The following RORA variants were observed in gnomAD, a reference collection of about 807,000 sequenced individuals.
RORA encodes the protein RAR related orphan receptor A.
In RORA, 7 loss-of-function variants were observed where a neutral mutation model predicts 69.5. The observed-to-expected ratio is 0.10, with a 90% CI of 0.06 to 0.19. RORA has a LOEUF of 0.19. Ranked by LOEUF, RORA falls within the 10% of genes least tolerant of loss-of-function variation. The pLI is 1.00. For missense variants in RORA, 457 were observed against 663.0 expected, an observed-to-expected ratio of 0.69 and a Z score of 3.41; for synonymous variants, 261 against 240.8, an observed-to-expected ratio of 1.08 and a Z score of -0.78.
At chr15:60,853,568 C>T (rs988235505) in intron 1 of RORA, among the ~76,000 whole-genome samples, 11 of 152,140 alleles carry the variant, frequency 7.2e-5, no homozygotes, top group African/African-American at 1.9e-4. Flanking sequence ...GAGAAAATAG[C>T]GATTAAAACA....
chr15:61,094,573 G>T (rs770932894), intron 1 of RORA, among the ~76,000 whole-genome samples: 2 of 152,154 alleles, frequency 1.3e-5, no homozygotes, highest in Non-Finnish European at 2.9e-5. Flanking sequence ...ATGTGGTAAG[G>T]TCCAAAAAAT....
chr15:60,595,173 A>G (rs2068639119), intron 2 of RORA, among the ~76,000 whole-genome samples: 1 of 152,128 alleles, frequency 6.6e-6, no homozygotes, highest in Non-Finnish European at 1.5e-5. Flanking sequence ...TGGAGCCATA[A>G]ATGATACATT....
intron 1 of RORA, among the ~76,000 whole-genome samples, chr15:61,012,844 T>G (rs538090031): frequency 2.3e-4 from 35 of 152,220 alleles, no homozygotes; most frequent in African/African-American, 7.5e-4. Context: ...GAGATGGAGT[T>G]TCACCATGTT....
At chr15:60,810,180 C>G (rs2072721746) in intron 1 of RORA, among the ~76,000 whole-genome samples, 1 of 152,140 alleles carries the variant, frequency 6.6e-6, no homozygotes, top group Admixed American at 6.6e-5. Context: ...GGAGACCACA[C>G]ATATCTAAAA....
intron 1 of RORA, among the ~76,000 whole-genome samples, chr15:60,882,635 C>T (rs1247170234): frequency 1.6e-5 from 1 of 63,362 alleles, no homozygotes; most frequent in Non-Finnish European, 3.4e-5. Flanking sequence ...TGGAGCTTAA[C>T]TACACACACA....
At chr15:60,704,441 A>G (rs1477347856) in intron 1 of RORA, among the ~76,000 whole-genome samples, 2 of 150,262 alleles carry the variant, frequency 1.3e-5, no homozygotes, top group Non-Finnish European at 2.9e-5. Flanking sequence ...GGTGGGGCCG[A>G]GGAAGCTGAG....
intron 1 of RORA, among the ~76,000 whole-genome samples, chr15:60,894,468 C>T (rs182857132): frequency 1.3e-5 from 2 of 152,244 alleles, no homozygotes; most frequent in African/African-American, 2.4e-5. Context: ...ATGAGGCTTC[C>T]GAAGTCACAA....
At chr15:61,188,760 C>A (rs756503532) in intron 1 of RORA, among the ~76,000 whole-genome samples, 1 of 152,230 alleles carries the variant, frequency 6.6e-6, no homozygotes, top group African/African-American at 2.4e-5. Flanking sequence ...TGGTCCTCTT[C>A]TTCCTTTGAT....
At chr15:60,918,071 G>C (rs1040965927) in intron 1 of RORA, among the ~76,000 whole-genome samples, 2 of 152,210 alleles carry the variant, frequency 1.3e-5, no homozygotes, top group African/African-American at 4.8e-5. Flanking sequence ...AACCCCAGGA[G>C]GTATGCATTG....
intron 1 of RORA, among the ~76,000 whole-genome samples, chr15:61,064,501 A>G (rs1358184427): frequency 6.6e-6 from 1 of 152,210 alleles, no homozygotes; most frequent in East Asian, 1.9e-4. Context: ...AAACTTTAGA[A>G]CCAAGAGAGT....
intron 1 of RORA, among the ~76,000 whole-genome samples, chr15:61,101,293 TC>T (rs1353148951): frequency 6.6e-6 from 1 of 152,056 alleles, no homozygotes; most frequent in East Asian, 1.9e-4. Context: ...TAAATGAATA[TC>T]CAGTTGGAAA....
intron 1 of RORA, among the ~76,000 whole-genome samples, chr15:60,920,790 A>G (rs1393771175): frequency 2.0e-5 from 3 of 152,236 alleles, no homozygotes; most frequent in Non-Finnish European, 4.4e-5. Context: ...CTGATAGTTT[A>G]AACAATTATG....
intron 1 of RORA, among the ~76,000 whole-genome samples, chr15:60,747,062 T>TGTTA (rs929016236): frequency 2.0e-5 from 3 of 152,304 alleles, no homozygotes; most frequent in African/African-American, 7.2e-5. Flanking sequence ...TAACCCCCAA[T>TGTTA]GTTAGAGACC....
At chr15:61,092,441 T>C (rs1156932428) in intron 1 of RORA, among the ~76,000 whole-genome samples, 1 of 152,256 alleles carries the variant, frequency 6.6e-6, no homozygotes, top group Non-Finnish European at 1.5e-5. Context: ...CCTAAGTGGC[T>C]GCTTTTCAGC....
chr15:60,532,341 C>T (rs568911365), intron 2 of RORA, among the ~76,000 whole-genome samples: 19 of 151,832 alleles, frequency 1.3e-4, no homozygotes, highest in African/African-American at 3.9e-4. Flanking sequence ...GATAAGAATT[C>T]CTTATCTTTT....
At chr15:61,228,024 T>G (rs569313643) in intron 1 of RORA, among the ~76,000 whole-genome samples, 5 of 133,052 alleles carry the variant, frequency 3.8e-5, no homozygotes, top group South Asian at 5.3e-4. Flanking sequence ...GTCCCCCCCA[T>G]CCCCCCCAAC....
At chr15:60,843,950 G>T (rs528059112) in intron 1 of RORA, among the ~76,000 whole-genome samples, 1 of 152,112 alleles carries the variant, frequency 6.6e-6, no homozygotes, top group South Asian at 2.1e-4. Context: ...TACCTACTCT[G>T]CTCAGGGCAC....
At chr15:60,960,461 A>G (rs1221595357) in intron 1 of RORA, among the ~76,000 whole-genome samples, 1 of 152,178 alleles carries the variant, frequency 6.6e-6, no homozygotes, top group Non-Finnish European at 1.5e-5. Context: ...CTGATTAAAA[A>G]GAAAATACCT....
intron 1 of RORA, among the ~76,000 whole-genome samples, chr15:60,693,722 A>C (rs1451922494): frequency 1.3e-5 from 2 of 152,188 alleles, no homozygotes; most frequent in African/African-American, 4.8e-5. Flanking sequence ...AATACCTAGG[A>C]ATACATCTAA....
Sources: gnomAD v4.1 joint callset for allele counts (sites outside exome capture counted in the v4.1 genomes callset) on GRCh38, gnomAD v4.1.1 for gene constraint, MANE v1.5 for transcripts, NCBI Gene and HGNC (gene_info 2026-07-23, HGNC 2026-07-21) for gene names.